The following ZNF709 variants were observed in gnomAD, a reference collection of about 807,000 sequenced individuals.
The protein encoded by ZNF709 is zinc finger protein 709.
In ZNF709, 15 loss-of-function variants were observed where a neutral mutation model predicts 10.6. The ratio of observed to expected loss-of-function variants is 1.41; its 90% CI spans 0.95 to 2.18. The LOEUF (loss-of-function observed/expected upper bound fraction) is 2.18. ZNF709 is among the 30% of genes most tolerant of loss of function. The probability of loss-of-function intolerance (pLI) is 0.00; values close to 1 mark genes in which losing one functional copy is unlikely to be tolerated. For missense variants in ZNF709, 589 were observed against 774.0 expected, an observed-to-expected ratio of 0.76 and a Z score of 2.84; for synonymous variants, 194 against 238.8, an observed-to-expected ratio of 0.81 and a Z score of 1.73.
chr19:12,470,247 C>A (rs577415539), intron 1 of ZNF709, among the ~76,000 whole-genome samples: 3 of 152,216 alleles, frequency 2.0e-5, no homozygotes, highest in African/African-American at 4.8e-5. Context: ...CTACTGATGT[C>A]CATATGCAAA....
intron 1 of ZNF709, among the ~76,000 whole-genome samples, chr19:12,483,164 C>G (rs577420065): frequency 6.6e-6 from 1 of 152,098 alleles, no homozygotes; most frequent in East Asian, 1.9e-4. Context: ...GTTTTTGAGA[C>G]AAGGTGTGAG....
chr19:12,475,665 T>C (rs1970670676), intron 1 of ZNF709, among the ~76,000 whole-genome samples: 1 of 152,120 alleles, frequency 6.6e-6, no homozygotes, highest in African/African-American at 2.4e-5. Context: ...AGATGTCCCC[T>C]CTTACCACTC....
rs1970530452 is a variant in ZNF709 at position 12,463,077 on chromosome 19, T to C, written c.*919A>G. The C allele has an allele frequency of 6.6e-6, 1 of 152,246 alleles. No individual in the cohort carries two copies. Among genetic ancestry groups the C allele is most frequent in the Non-Finnish European group, 1.5e-5 (1 of 68,040 alleles). The allele number at this position is 152,246 out of a possible 1,614,324, so 9.4% of individuals were successfully genotyped here. A position where few individuals can be genotyped will look rare whatever the true frequency, so the allele number is the denominator to read the frequency against. On this transcript the variant is annotated 3_prime_UTR_variant, in exon 4 of 4. Transcript: ENST00000397732. ...AACAATATACATGAATTAATTTGCA[T>C]CAGGCTTTCCCATATTATCTACATT...
chr19:12,469,521 C>A (rs1970615852), intron 1 of ZNF709, among the ~76,000 whole-genome samples: 2 of 152,030 alleles, frequency 1.3e-5, no homozygotes, highest in Non-Finnish European at 2.9e-5. Flanking sequence ...ATAATCCCAG[C>A]ACTTTGGGAG....
intron 1 of ZNF709, among the ~76,000 whole-genome samples, chr19:12,484,047 C>T (rs1164046754): frequency 6.6e-6 from 1 of 152,170 alleles, no homozygotes; most frequent in Non-Finnish European, 1.5e-5. Flanking sequence ...TTTAAAAGAA[C>T]CATCCATTCC....
Position 12,464,448 on chromosome 19 carries a change from G to C in ZNF709, c.1474C>G (p.Arg492Gly). 8.1e-6 allele frequency: 13 copies of C among 1,612,180 alleles called. No homozygotes were observed. Among genetic ancestry groups the C allele is most frequent in the Non-Finnish European group, 1.1e-5 (13 of 1,179,168 alleles). The change falls in exon 4 of 4, where the codon CGG becomes GGG. Residue 492 changes from arginine (R) to glycine (G), a missense_variant. Physicochemically the swap from Arg to Gly is moderately radical, Grantham distance 125. Around this residue, in one of 2 missense-constraint regions of ZNF709, gnomAD observed 171 missense variants for 277.7 expected, o/e 0.62. Transcript: ENST00000397732. ...CCAGTGTGAGTCCTTTCATGCATCC[G>C]AAAGGAACTAGAAAAACTAAAGGCT... ...GKAFSFSSSF[R>G]MHERTHTGEK...
chr19:12,474,887 A>T (rs958034254), intron 1 of ZNF709, among the ~76,000 whole-genome samples: 2 of 152,218 alleles, frequency 1.3e-5, no homozygotes, highest in Non-Finnish European at 2.9e-5. Flanking sequence ...CAACTCTAGT[A>T]TAAAAGCTAA....
rs578115325 is a variant in ZNF709 at position 12,472,001 on chromosome 19, C to A, written c.4-5151G>T. Among the ~76,000 whole-genome samples the A allele has an allele frequency of 2.0e-5, 3 of 151,746 alleles. No homozygotes were observed. In the South Asian group the frequency reaches 6.3e-4, roughly 32 times the overall value. ...AGGAAAAAAATATGTGACATACATG[C>A]AATATAAATGAACTAGTATGCAGAG... is the stretch of plus-strand genomic sequence containing the variant. On this transcript the variant is annotated intron_variant, in intron 1 of 3. Coordinates refer to ENST00000397732, the MANE Select transcript of ZNF709 (RefSeq NM_152601.4).
rs571010739 is a variant in ZNF709 at position 12,472,501 on chromosome 19, G to A, written c.4-5651C>T. Reference sequence around the variant, plus strand: ...CGTGCCACTGCACTCCAGCCTCGGCGACAGAGCGAGACTCCATCTCAAAAA... The same window carrying A: ...CGTGCCACTGCACTCCAGCCTCGGCAACAGAGCGAGACTCCATCTCAAAAA... On this transcript the variant is annotated intron_variant, in intron 1 of 3. Coordinates refer to ENST00000397732, the MANE Select transcript of ZNF709 (RefSeq NM_152601.4). Among the ~76,000 whole-genome samples, 31 of 117,346 alleles carry A rather than the reference G, an allele frequency of 2.6e-4. No individual in the cohort carries two copies. In the South Asian group the frequency reaches 6.9e-3, roughly 26 times the overall value. 77.0% of individuals were successfully genotyped at this position (117,346 alleles called of 152,430 possible). A position where few individuals can be genotyped will look rare whatever the true frequency, so the allele number is the denominator to read the frequency against.
At chr19:12,484,362 C>G (rs1199696740) in intron 1 of ZNF709, among the ~76,000 whole-genome samples, 1 of 152,194 alleles carries the variant, frequency 6.6e-6, no homozygotes, top group African/African-American at 2.4e-5. Context: ...CTCCCGTGCC[C>G]CAGCACAATC....
intron 1 of ZNF709, among the ~76,000 whole-genome samples, chr19:12,483,004 T>C (rs1374579469): frequency 6.6e-6 from 1 of 152,052 alleles, no homozygotes; most frequent in Non-Finnish European, 1.5e-5. Context: ...GTGGATAACC[T>C]GAGCCCAGAA....
In ZNF709 at chr19:12,466,439, T is replaced by G; in HGVS notation, c.188+23A>C. On this transcript the variant is annotated intron_variant, in intron 3 of 3. Transcript: ENST00000397732. ...CTAAGATTCTCTCATAAGACAGTATTTTCTTTTGTAAGTACAACTCACCTT... is the reference window on the plus strand; with the variant it reads ...CTAAGATTCTCTCATAAGACAGTATGTTCTTTTGTAAGTACAACTCACCTT... The G allele has an allele frequency of 2.5e-6, 4 of 1,608,536 alleles. No homozygotes were observed. The South Asian group carries it at 4.4e-5, about 18-fold the overall frequency.
rs781156665 is a variant in ZNF709, at chr19:12,466,698, A to G, written c.130+26T>C. 2.5e-6 allele frequency: 4 copies of G among 1,613,938 alleles called. No individual in the cohort carries two copies. The Admixed American group carries it at 6.7e-5, about 27-fold the overall frequency. On this transcript the variant is annotated intron_variant, in intron 2 of 3. Coordinates refer to ENST00000397732, the MANE Select transcript of ZNF709 (RefSeq NM_152601.4). ...AGAAACACTTGTTCTCTAATTGACTAAGTGAGGGAATAATTTCATTCTTAC... is the reference window on the plus strand; with the variant it reads ...AGAAACACTTGTTCTCTAATTGACTGAGTGAGGGAATAATTTCATTCTTAC...
chr19:12,483,164 C>T (rs577420065), intron 1 of ZNF709, among the ~76,000 whole-genome samples: 7 of 152,216 alleles, frequency 4.6e-5, no homozygotes, highest in African/African-American at 1.7e-4. Flanking sequence ...GTTTTTGAGA[C>T]AAGGTGTGAG....
chr19:12,480,767 GT>G (rs1330948716), intron 1 of ZNF709, among the ~76,000 whole-genome samples: 2 of 152,024 alleles, frequency 1.3e-5, no homozygotes, highest in African/African-American at 4.8e-5. Context: ...GGACTTTGAG[GT>G]TTTTTCGTTT....
chr19:12,476,579 T>A (rs1431673146), intron 1 of ZNF709, among the ~76,000 whole-genome samples: 4 of 152,166 alleles, frequency 2.6e-5, no homozygotes, highest in Non-Finnish European at 5.9e-5. Flanking sequence ...TGAAAAAGAC[T>A]CTAGAGCCTT....
intron 1 of ZNF709, among the ~76,000 whole-genome samples, chr19:12,476,243 T>A (rs1453319358): frequency 1.3e-5 from 2 of 151,946 alleles, no homozygotes; most frequent in South Asian, 4.1e-4. Flanking sequence ...AATACAAAAA[T>A]TAGCCAGGTG....
In ZNF709 at chr19:12,484,754, T is replaced by C. The variant is rs1970764601; in HGVS notation, c.-97A>G. The C allele has an allele frequency of 6.4e-7, 1 of 1,563,738 alleles. No individual in the cohort carries two copies. Among genetic ancestry groups the C allele is most frequent in the South Asian group, 1.1e-5 (1 of 89,670 alleles). ...GAGGCCCTTCCTCCACCTGAGGGCC[T>C]TCTGGGGTGAGGAGACCCCAGAGCG... On this transcript the variant is annotated 5_prime_UTR_variant, in exon 1 of 4. Transcript: ENST00000397732.
chr19:12,483,547 A>AT (rs1402123249), intron 1 of ZNF709, among the ~76,000 whole-genome samples: 1 of 150,626 alleles, frequency 6.6e-6, no homozygotes, highest in South Asian at 2.1e-4. Context: ...TTATTTTTTT[A>AT]TTTTTTTGAG....
Sources: allele counts gnomAD v4.1 joint callset (sites outside exome capture counted in the v4.1 genomes callset), GRCh38; gene constraint gnomAD v4.1.1; regional missense constraint gnomAD v4.1.1; transcripts MANE v1.5; gene names NCBI Gene and HGNC (gene_info 2026-07-23, HGNC 2026-07-21).